ASH1L: variants seen among roughly 807,000 people sequenced by gnomAD.
ASH1L encodes histone-lysine N-methyltransferase ASH1L.
Under a neutral mutation model 269.0 loss-of-function variants are expected in ASH1L, and 23 were observed. That is an observed-to-expected ratio of 0.09 (90% CI 0.06 to 0.12). The LOEUF (loss-of-function observed/expected upper bound fraction) is 0.12. ASH1L is among the 10% of genes least tolerant of loss of function. The probability of loss-of-function intolerance (pLI) is 1.00; values close to 1 mark genes in which losing one functional copy is unlikely to be tolerated. For missense variants in ASH1L, 2,912 were observed against 3,567.8 expected (o/e 0.82, Z 4.68); for synonymous variants, 1,187 against 1,253.5 (o/e 0.95, Z 1.12).
chr1:155,515,282 G>A (rs1186022536), intron 2 of ASH1L, among the ~76,000 whole-genome samples: 1 of 152,114 alleles, frequency 6.6e-6, no homozygotes, highest in African/African-American at 2.4e-5. Context: ...TGCCTCACCT[G>A]ACATATTCAA....
chr1:155,375,593 C>T (rs1265170857), intron 10 of ASH1L, among the ~76,000 whole-genome samples: 2 of 152,018 alleles, frequency 1.3e-5, no homozygotes, highest in East Asian at 1.9e-4. Context: ...TCGAGACCAG[C>T]GTGGTCAACA....
Position 155,478,345 on chromosome 1 carries a change from A to C in ASH1L, c.4525T>G (p.Ser1509Ala). The change falls in exon 3 of 28, where the codon TCT becomes GCT. Residue 1509 changes from serine to alanine, a missense_variant. Transcript: ENST00000392403. This position sits in a 1 kb window ranked among gnomAD's most constrained non-coding sequence, Gnocchi z 4.6. ...QVSMDTGSSR[S>A]VLESLKRYRF... ...TAGCGCTTCAAAGATTCCAGGACAG[A>C]TCGGGAAGAGCCAGTGTCCATAGAA... 6.2e-7 allele frequency: 1 copy of C among 1,614,104 alleles called. No homozygotes were observed.
intron 7 of ASH1L, among the ~76,000 whole-genome samples, chr1:155,391,536 C>T (rs374959097): frequency 6.6e-6 from 1 of 152,296 alleles, no homozygotes; most frequent in East Asian, 1.9e-4. Context: ...TCAGTGTTGA[C>T]TGCCTTCTCT....
intron 4 of ASH1L, among the ~76,000 whole-genome samples, chr1:155,455,171 A>G (rs1367666057): frequency 1.3e-5 from 2 of 152,206 alleles, no homozygotes; most frequent in African/African-American, 2.4e-5. Flanking sequence ...ATATTTAAAA[A>G]AAGACCTCTA....
At chr1:155,428,726 C>T (rs1462454631) in intron 5 of ASH1L, among the ~76,000 whole-genome samples, 1 of 152,224 alleles carries the variant, frequency 6.6e-6, no homozygotes, top group African/African-American at 2.4e-5. Context: ...TGGCCAAACC[C>T]ATCCCTTTAT....
chr1:155,551,243 T>TTCAAA lies in ASH1L; in HGVS notation c.-100+10909_-100+10910insTTTGA, dbSNP rs1314201856. ...AGGACTAACTATCCAATGGAATGCCTGGATGAAACATAGGCACACAGTATC... is the reference window on the plus strand; with the variant it reads ...AGGACTAACTATCCAATGGAATGCCTTCAAAGGATGAAACATAGGCACACAGTATC... On this transcript the variant is annotated intron_variant, in intron 1 of 27. Coordinates refer to ENST00000392403, the MANE Select transcript of ASH1L (RefSeq NM_018489.3). Among the ~76,000 whole-genome samples the TTCAAA allele has an allele frequency of 4.7e-3, 718 of 152,324 alleles. 7 individuals carry two copies. Among genetic ancestry groups the TTCAAA allele is most frequent in the African/African-American group, 0.017 (701 of 41,570 alleles).
intron 6 of ASH1L, among the ~76,000 whole-genome samples, chr1:155,407,251 C>T (rs1270546981): frequency 6.6e-6 from 1 of 151,958 alleles, no homozygotes; most frequent in African/African-American, 2.4e-5. Context: ...AAATTCCTCA[C>T]CTATTAGATT....
At chr1:155,356,388 A>T (rs1654387182) in intron 15 of ASH1L, among the ~76,000 whole-genome samples, 1 of 152,040 alleles carries the variant, frequency 6.6e-6, no homozygotes, top group Admixed American at 6.6e-5. Context: ...TAATCCCAGC[A>T]CTTGGGGAGG....
intron 3 of ASH1L, among the ~76,000 whole-genome samples, chr1:155,470,486 A>C (rs913154341): frequency 4.6e-5 from 7 of 152,048 alleles, no homozygotes; most frequent in African/African-American, 1.7e-4. Flanking sequence ...AAAACAAAAA[A>C]AAAAACTGTC....
At chr1:155,540,067 CA>C (rs199663612) in intron 1 of ASH1L, among the ~76,000 whole-genome samples, 303 of 138,374 alleles carry the variant, frequency 2.2e-3, no homozygotes, top group Middle Eastern at 3.6e-3. Flanking sequence ...GACCTTGTCT[CA>C]AAAAAAAAAA....
At chr1:155,339,258 T>A in intron 26 of ASH1L, 70 bp downstream of exon 26, 1 of 1,439,020 alleles carries the variant, frequency 6.9e-7, no homozygotes, top group East Asian at 2.3e-5. Flanking sequence ...TGGGTAGTTG[T>A]TTGTTTTCTT....
intron 3 of ASH1L, among the ~76,000 whole-genome samples, chr1:155,477,658 T>G (rs1665658148): frequency 6.6e-6 from 1 of 152,170 alleles, no homozygotes; most frequent in Admixed American, 6.5e-5. Context: ...GTTATGTATA[T>G]TTCTTTCTTT....
chr1:155,557,836 C>T (rs1671705139), intron 1 of ASH1L, among the ~76,000 whole-genome samples: 1 of 152,298 alleles, frequency 6.6e-6, no homozygotes, highest in East Asian at 1.9e-4. Context: ...GAACTAGTTG[C>T]ATTTCCACCT....
At chr1:155,547,071 G>A (rs1670880517) in intron 1 of ASH1L, among the ~76,000 whole-genome samples, 1 of 144,284 alleles carries the variant, frequency 6.9e-6, no homozygotes, top group Non-Finnish European at 1.5e-5. Context: ...TCCTGCCTCA[G>A]CCTCCCGAGT....
Position 155,337,547 on chromosome 1 carries a change from A to G in ASH1L, c.*113T>C, listed in dbSNP as rs1652414422. On this transcript the variant is annotated 3_prime_UTR_variant, in exon 28 of 28. Transcript: ENST00000392403. Reference sequence around the variant, plus strand: ...TACCTAATGTCAACAACATGGCCCCATTCCCCTTGCCCAGATGGACCCTTC... The same window carrying G: ...TACCTAATGTCAACAACATGGCCCCGTTCCCCTTGCCCAGATGGACCCTTC... The G allele has an allele frequency of 4.8e-6, 4 of 831,532 alleles. No individual in the cohort carries two copies. The highest frequency in any genetic ancestry group is 2.5e-5 in the East Asian group (1 of 40,716). The allele number at this position is 831,532 out of a possible 1,614,324, so 51.5% of individuals were successfully genotyped here. A position where few individuals can be genotyped will look rare whatever the true frequency, so the allele number is the denominator to read the frequency against.
rs1346817772 is a variant in ASH1L at position 155,366,671 on chromosome 1, TTTTA to T, written c.6686+3829_6686+3832del. ...TGAAGCTATTGTAAATTGTATTGGT[TTTTA>T]TTTATTTATTTATTTTGACACGGAG... On this transcript the variant is annotated intron_variant, in intron 12 of 27. Coordinates refer to ENST00000392403, the MANE Select transcript of ASH1L (RefSeq NM_018489.3). Among the ~76,000 whole-genome samples, 15 of 152,236 alleles carry T rather than the reference TTTTA, an allele frequency of 9.9e-5. 1 individual carries two copies. Among genetic ancestry groups the T allele is most frequent in the South Asian group, 8.3e-4 (4 of 4,826 alleles).
At chr1:155,517,793 CTTTTTTTTTT>C (rs780065449) in intron 2 of ASH1L, among the ~76,000 whole-genome samples, 1 of 70,938 alleles carries the variant, frequency 1.4e-5, no homozygotes, top group African/African-American at 5.9e-5. Context: ...CCAATAATTT[CTTTTTTTTTT>C]TTTTTTTTTT....
chr1:155,466,291 T>G (rs564366923), intron 3 of ASH1L, among the ~76,000 whole-genome samples: 1 of 152,192 alleles, frequency 6.6e-6, no homozygotes, highest in Admixed American at 6.5e-5. Flanking sequence ...GAGGCAGAGC[T>G]TGCAGTAAGC....
rs143986534 is a variant in ASH1L, at chr1:155,354,606, T to C, written c.7080A>G (p.Val2360=). The C allele has an allele frequency of 2.3e-4, 376 of 1,611,788 alleles. No homozygotes were observed. Among genetic ancestry groups the C allele is most frequent in the Non-Finnish European group, 3.0e-4 (355 of 1,179,584 alleles). Residue 2360 remains valine, a synonymous_variant, in exon 16 of 28, where the codon GTA becomes GTG. Transcript: ENST00000392403. ...RERNFVLKHH[V]FLVRNWEKIR... Reference sequence around the variant, plus strand: ...TCTTCTCCCAGTTTCGGACCAAGAATACATGATGCTTTAACACAAAGTTCC... The same window carrying C: ...TCTTCTCCCAGTTTCGGACCAAGAACACATGATGCTTTAACACAAAGTTCC...
Sources: gnomAD v4.1 joint callset for allele counts (sites outside exome capture counted in the v4.1 genomes callset) on GRCh38, gnomAD v4.1.1 for gene constraint, Gnocchi (gnomAD v3.1) non-coding constraint, MANE v1.5 for transcripts, NCBI Gene and HGNC (gene_info 2026-07-23, HGNC 2026-07-21) for gene names.